Variants in TRPM2 observed in about 807,000 individuals in gnomAD.
TRPM2 encodes the protein estrogen-responsive element-associated gene 1 protein.
Under a neutral mutation model 174.0 loss-of-function variants are expected in TRPM2, and 161 were observed. That is an observed-to-expected ratio of 0.93 (90% CI 0.81 to 1.05). The LOEUF is 1.05. Ranked by LOEUF, TRPM2 falls within the 50% of genes least tolerant of loss-of-function variation. The pLI, the probability that TRPM2 is intolerant of heterozygous loss-of-function variation, is 0.00. For missense variants in TRPM2, 2,057 were observed against 2,038.0 expected (o/e 1.01, Z -0.18); for synonymous variants, 954 against 861.3 (o/e 1.11, Z -1.88).
chr21:44,405,261 G>A lies in TRPM2; in HGVS notation c.2657+1G>A, dbSNP rs1406884479. The A allele has an allele frequency of 6.2e-7, 1 of 1,612,434 alleles. No homozygotes were observed. Among genetic ancestry groups the A allele is most frequent in the Non-Finnish European group, 8.5e-7 (1 of 1,179,908 alleles). On this transcript the variant is annotated splice_donor_variant, in intron 17 of 31. Coordinates refer to ENST00000397928, the MANE Select transcript of TRPM2 (RefSeq NM_003307.4). LOFTEE classifies it high-confidence loss of function. ...TCTTCGTGGCAGGGCTGACCTGCAG[G>A]TGAGTGGCCTCACCCCGATGGCGGG...
In TRPM2 at chr21:44,367,008, G is replaced by C; in HGVS notation, c.604+74G>C. The C allele has an allele frequency of 2.0e-6, 3 of 1,474,662 alleles. No homozygotes were observed. Among genetic ancestry groups the C allele is most frequent in the Non-Finnish European group, 2.7e-6 (3 of 1,111,024 alleles). The allele number at this position is 1,474,662 out of a possible 1,614,324, so 91.3% of individuals were successfully genotyped here. A position where few individuals can be genotyped will look rare whatever the true frequency, so the allele number is the denominator to read the frequency against. On this transcript the variant is annotated intron_variant, in intron 4 of 31. Coordinates refer to ENST00000397928, the MANE Select transcript of TRPM2 (RefSeq NM_003307.4). The surrounding 1 kb of genome is among the most constrained non-coding windows in gnomAD (Gnocchi z 4.6). ...TGTGGAGGCAGTGCTGGGGCAATCA[G>C]GGCCATCAGGACCCAAAAAGTCCCT...
chr21:44,386,723 T>A (rs1255703509), intron 9 of TRPM2, among the ~76,000 whole-genome samples: 1 of 152,012 alleles, frequency 6.6e-6, no homozygotes, highest in African/African-American at 2.4e-5. Context: ...GTGATTTTTT[T>A]TTTTTTGCAG....
Position 44,395,524 on chromosome 21 carries a change from G to C in TRPM2, c.1905G>C (p.Arg635=), listed in dbSNP as rs1569057834. ...LLIWAIVQNR[R]ELAGIIWAQS... Reference sequence around the variant, plus strand: ...TTTGGGCCATTGTCCAGAACCGTCGGGAGCTGGCAGGAATCATCTGGGCTC... The same window carrying C: ...TTTGGGCCATTGTCCAGAACCGTCGCGAGCTGGCAGGAATCATCTGGGCTC... Residue 635 remains arginine, a synonymous_variant, in exon 12 of 32, where the codon CGG becomes CGC. Transcript: ENST00000397928. The C allele has an allele frequency of 6.2e-7, 1 of 1,613,060 alleles. No individual in the cohort carries two copies. The highest frequency in any genetic ancestry group is 8.5e-7 in the Non-Finnish European group (1 of 1,179,944).
chr21:44,424,304 C>A (rs1411462179), intron 23 of TRPM2, among the ~76,000 whole-genome samples: 1 of 152,226 alleles, frequency 6.6e-6, no homozygotes, highest in Admixed American at 6.5e-5. Context: ...ATCCACCAGT[C>A]CTGCCCGTTG....
intron 20 of TRPM2, chr21:44,415,089 T>G (rs2050233991): frequency 1.3e-5 from 2 of 152,304 alleles, no homozygotes; most frequent in Non-Finnish European, 2.9e-5. Flanking sequence ...CTCCGATCCA[T>G]CTGTGGACGG....
At chr21:44,424,730 G>A (rs891532166) in intron 23 of TRPM2, 122 bp from the exon 24 acceptor site, 10 of 599,038 alleles carry the variant, frequency 1.7e-5, no homozygotes, top group African/African-American at 3.8e-5. Context: ...TTCAAAGGGC[G>A]CAGGGGCTGA....
chr21:44,378,962 C>G (rs1180273758), intron 7 of TRPM2, 35 bp from the exon 8 acceptor site: 5 of 1,591,608 alleles, frequency 3.1e-6, no homozygotes, highest in Middle Eastern at 3.7e-4. Flanking sequence ...CGGTGAGGAC[C>G]CAGTCCCGGG....
chr21:44,398,805 GA>G (rs1252439604), intron 13 of TRPM2, among the ~76,000 whole-genome samples: 1 of 152,174 alleles, frequency 6.6e-6, no homozygotes. Flanking sequence ...GGGAGGTTTG[GA>G]ATCTTGTGGC....
At chr21:44,429,283 T>TC (rs1287982957) in intron 27 of TRPM2, among the ~76,000 whole-genome samples, 236 of 136,298 alleles carry the variant, frequency 1.7e-3, no homozygotes, top group African/African-American at 5.9e-3. Flanking sequence ...TTTTTCTTTT[T>TC]TTTTTTTTTT....
intron 8 of TRPM2, among the ~76,000 whole-genome samples, chr21:44,382,332 T>G (rs1464836150): frequency 6.6e-6 from 1 of 152,078 alleles, no homozygotes; most frequent in East Asian, 1.9e-4. Context: ...GATGGATAGA[T>G]AGATAGACTG....
chr21:44,416,419 T>C (rs770814049), intron 20 of TRPM2: 2 of 152,728 alleles, frequency 1.3e-5, no homozygotes, highest in Non-Finnish European at 2.9e-5. Flanking sequence ...CGGCTCCCAC[T>C]GCGGAGGGCT....
At chr21:44,427,742 G>A (rs3788123) in intron 27 of TRPM2, among the ~76,000 whole-genome samples, 4,714 of 152,252 alleles carry the variant, frequency 0.031, 126 homozygotes, top group East Asian at 0.11. Flanking sequence ...AGGACGGGGG[G>A]ACTGCGTGGC....
rs921693876 is a variant in TRPM2 at position 44,358,302 on chromosome 21, C to T, written c.254+3566C>T. 3.6e-5 allele frequency among the ~76,000 whole-genome samples: 5 copies of T among 139,264 alleles called. No individual in the cohort carries two copies. In the South Asian group the frequency reaches 8.6e-4, roughly 24 times the overall value. 91.4% of individuals were successfully genotyped at this position (139,264 alleles called of 152,430 possible). On this transcript the variant is annotated intron_variant, in intron 2 of 31. Coordinates refer to ENST00000397928, the MANE Select transcript of TRPM2 (RefSeq NM_003307.4). ...ACTTCTCTTCCCTGGGCCACCAATC[C>T]TCATCTGTGAGCGCAGAGACTGGAG... is the stretch of plus-strand genomic sequence containing the variant.
chr21:44,373,567 GCGACC>G (rs2048604687), intron 5 of TRPM2, among the ~76,000 whole-genome samples: 1 of 103,782 alleles, frequency 9.6e-6, no homozygotes. Context: ...TGCATTATAT[GCGACC>G]TGCATTATAT....
chr21:44,360,927 T>G (rs1602124679), intron 2 of TRPM2, among the ~76,000 whole-genome samples: 1 of 152,182 alleles, frequency 6.6e-6, no homozygotes. Flanking sequence ...TACAGCACTG[T>G]CCATCTCCAC....
chr21:44,399,322 G>A lies in TRPM2; in HGVS notation c.2089G>A (p.Asp697Asn). ...GGTCTTCACCGAGTGCTACCGGAAG[G>A]ACGAAGAGAGAGCCCAGAAACTGCT... ...IGVFTECYRK[D>N]EERAQKLLTR... is the part of the protein sequence containing the mutation. The change falls in exon 14 of 32, where the codon GAC becomes AAC. Residue 697 changes from aspartate (D) to asparagine (N), a missense_variant. Asp to Asn is a conservative substitution (Grantham distance 23). Coordinates refer to ENST00000397928, the MANE Select transcript of TRPM2 (RefSeq NM_003307.4). This position sits in a 1 kb window ranked among gnomAD's most constrained non-coding sequence, Gnocchi z 4.6. 6.2e-7 allele frequency: 1 copy of A among 1,612,796 alleles called. No homozygotes were observed. Among genetic ancestry groups the A allele is most frequent in the Non-Finnish European group, 8.5e-7 (1 of 1,179,884 alleles).
chr21:44,383,252 T>G (rs1455532911), intron 9 of TRPM2, among the ~76,000 whole-genome samples: 1 of 152,210 alleles, frequency 6.6e-6, no homozygotes, highest in Non-Finnish European at 1.5e-5. Flanking sequence ...GTGTAACTTC[T>G]GTTGCTTAGC....
At chr21:44,403,441 T>C (rs1318146489) in intron 16 of TRPM2, among the ~76,000 whole-genome samples, 1 of 152,114 alleles carries the variant, frequency 6.6e-6, no homozygotes, top group African/African-American at 2.4e-5. Flanking sequence ...GCGCCTGACA[T>C]TGAGGGCGCT....
intron 11 of TRPM2, among the ~76,000 whole-genome samples, chr21:44,395,031 G>C (rs748046669): frequency 6.6e-6 from 1 of 152,186 alleles, no homozygotes; most frequent in South Asian, 2.1e-4. Context: ...CTGCAGGAGA[G>C]TCCCTCAGGG....
Sources: allele counts gnomAD v4.1 joint callset (sites outside exome capture counted in the v4.1 genomes callset), GRCh38; gene constraint gnomAD v4.1.1; non-coding constraint Gnocchi (gnomAD v3.1); transcripts MANE v1.5; gene names NCBI Gene and HGNC (gene_info 2026-07-23, HGNC 2026-07-21).